The following WDR47 variants were observed in gnomAD, a reference collection of about 807,000 sequenced individuals.
WDR47 encodes WD repeat domain 47.
A neutral mutation model predicts 97.2 loss-of-function variants in WDR47; 32 were observed. The ratio of observed to expected loss-of-function variants is 0.33; its 90% CI spans 0.25 to 0.44. The LOEUF is 0.44. WDR47 is among the 20% of genes least tolerant of loss of function. WDR47 has a pLI of 1.00. For synonymous variants in WDR47, 375 were observed against 373.5 expected (o/e 1.00, Z -0.05); for missense variants, 782 against 1,102.3 (o/e 0.71, Z 4.11).
chr1:109,032,059 T>C (rs2102036173), intron 1 of WDR47, among the ~76,000 whole-genome samples: 1 of 138,636 alleles, frequency 7.2e-6, no homozygotes, highest in Middle Eastern at 3.6e-3. Context: ...CTCAGCCTCC[T>C]AAAGTGCTGA....
At chr1:109,003,393 T>G (rs929927596) in intron 6 of WDR47, among the ~76,000 whole-genome samples, 6 of 152,164 alleles carry the variant, frequency 3.9e-5, no homozygotes, top group African/African-American at 1.4e-4. Flanking sequence ...TAATTTTAAT[T>G]TTTTTCTTGC....
At chr1:109,010,578 ATTTTTTT>A (rs199821610) in intron 5 of WDR47, among the ~76,000 whole-genome samples, 1 of 101,712 alleles carries the variant, frequency 9.8e-6, no homozygotes, top group South Asian at 3.5e-4. Context: ...AGATTTCCTA[ATTTTTTT>A]TTTTTTTTTT....
chr1:109,035,314 T>G (rs936494764), intron 1 of WDR47, among the ~76,000 whole-genome samples: 1 of 149,492 alleles, frequency 6.7e-6, no homozygotes, highest in African/African-American at 2.5e-5. Context: ...CTGTTCAGTG[T>G]GATTATCTCT....
At chr1:109,026,401 T>C (rs1450995001) in intron 1 of WDR47, among the ~76,000 whole-genome samples, 3 of 151,810 alleles carry the variant, frequency 2.0e-5, no homozygotes, top group Non-Finnish European at 4.4e-5. Context: ...ATTCTGATCA[T>C]ATCAGAACTG....
chr1:109,028,371 T>TTG (rs1177927767), intron 1 of WDR47, among the ~76,000 whole-genome samples: 3 of 135,394 alleles, frequency 2.2e-5, no homozygotes, highest in Non-Finnish European at 4.7e-5. Flanking sequence ...GGTTTTTTTT[T>TTG]TTTTTTTTTT....
chr1:109,027,548 G>C (rs1662295419), intron 1 of WDR47, among the ~76,000 whole-genome samples: 1 of 151,562 alleles, frequency 6.6e-6, no homozygotes, highest in South Asian at 2.1e-4. Flanking sequence ...CCCCCAGATG[G>C]AGTCTTGCTC....
chr1:108,973,763 A>C (rs910826481), intron 14 of WDR47, among the ~76,000 whole-genome samples: 14 of 152,090 alleles, frequency 9.2e-5, no homozygotes, highest in African/African-American at 3.4e-4. Context: ...GCACAGATGT[A>C]GTTCCAGCTA....
chr1:108,990,720 C>T (rs953270843), intron 9 of WDR47, among the ~76,000 whole-genome samples: 1 of 151,812 alleles, frequency 6.6e-6, no homozygotes, highest in Non-Finnish European at 1.5e-5. Flanking sequence ...AAGCTGTATA[C>T]TAGCTAGGAA....
At chr1:109,014,012 G>T in intron 3 of WDR47, 87 bp from the exon 4 acceptor site, 1 of 945,370 alleles carries the variant, frequency 1.1e-6, no homozygotes, top group Non-Finnish European at 1.6e-6. Context: ...TTTGCTTTAG[G>T]AAAATTATTC....
At chr1:108,982,442 G>A (rs1658413141) in intron 12 of WDR47, among the ~76,000 whole-genome samples, 167 bp downstream of exon 12, 1 of 152,094 alleles carries the variant, frequency 6.6e-6, no homozygotes, top group African/African-American at 2.4e-5. Context: ...CTGGGTGGGA[G>A]GATCACTTGA....
chr1:109,009,688 T>G (rs1161398283), intron 5 of WDR47, among the ~76,000 whole-genome samples: 1 of 152,160 alleles, frequency 6.6e-6, no homozygotes, highest in Non-Finnish European at 1.5e-5. Flanking sequence ...ATGTAATATA[T>G]TCCCAGTTTT....
At chr1:109,013,322 C>T (rs1411295464) in intron 4 of WDR47, among the ~76,000 whole-genome samples, 1 of 152,188 alleles carries the variant, frequency 6.6e-6, no homozygotes, top group African/African-American at 2.4e-5. Context: ...CTTCAGTTAA[C>T]AATTACCAGA....
Position 108,995,598 on chromosome 1 carries a change from G to A in WDR47, c.1673C>T (p.Ser558Leu). Residue 558 changes from serine (S) to leucine (L), a missense_variant, in exon 8 of 15, where the codon TCA (serine) becomes TTA (leucine). Ser to Leu is a moderately radical substitution (Grantham distance 145). This residue lies in a region of WDR47 where 126 missense variants were observed against 121.3 expected (regional missense o/e 1.04). Transcript: ENST00000369962. ...CACTTACATTTGGCTTCCACAAGGT[G>A]ATTCCTCCAGAAAAGGTATGTGATT... ...STNHIPFLEE[S>L]PCGSQISSEH... is the part of the protein sequence containing the mutation. 2 of 1,614,092 alleles carry A rather than the reference G, an allele frequency of 1.2e-6. No homozygotes were observed. The highest frequency in any genetic ancestry group is 2.2e-5 in the East Asian group (1 of 44,868).
intron 7 of WDR47, among the ~76,000 whole-genome samples, chr1:109,001,869 C>T (rs1028225045): frequency 2.7e-5 from 4 of 150,918 alleles, no homozygotes; most frequent in Admixed American, 6.6e-5. Flanking sequence ...CCAGACTGGG[C>T]GACAGAGTGA....
At chr1:109,003,661 G>A (rs1459581903) in intron 6 of WDR47, among the ~76,000 whole-genome samples, 1 of 151,952 alleles carries the variant, frequency 6.6e-6, no homozygotes, top group Non-Finnish European at 1.5e-5. Context: ...GTGACACCAC[G>A]CCTGGCTGAT....
At chr1:108,975,204 T>C (rs1008929916) in intron 13 of WDR47, among the ~76,000 whole-genome samples, 8 of 152,056 alleles carry the variant, frequency 5.3e-5, no homozygotes, top group African/African-American at 1.9e-4. Context: ...TTACTGCCAA[T>C]AGGAACTGTG....
Position 108,974,752 on chromosome 1 carries a change from T to C in WDR47, c.2401A>G (p.Ser801Gly), listed in dbSNP as rs142485597. ...TCTACAGCTACAGATGCCACTGCAC[T>C]GCCTGTAGTGGTAGGAATGAAAGTT... is the stretch of plus-strand genomic sequence containing the variant. ...VVGTTFHGTG[S>G]AVASVAVDPS... The change falls in exon 14 of 15, where the codon AGT becomes GGT. Residue 801 changes from serine to glycine, a missense_variant and splice_region_variant. Physicochemically the swap from Ser to Gly is moderately conservative, Grantham distance 56 (BLOSUM62 0). Transcript: ENST00000369962. 360 of 1,605,398 alleles carry C rather than the reference T, an allele frequency of 2.2e-4. No individual in the cohort carries two copies. Among genetic ancestry groups the C allele is most frequent in the Non-Finnish European group, 3.0e-4 (348 of 1,175,132 alleles).
chr1:109,007,938 C>T lies in WDR47; in HGVS notation c.1130+2978G>A, dbSNP rs983147159. Among the ~76,000 whole-genome samples, 17 of 152,038 alleles carry T rather than the reference C, an allele frequency of 1.1e-4. No individual in the cohort carries two copies. The East Asian group carries it at 2.1e-3, about 19-fold the overall frequency. On this transcript the variant is annotated intron_variant, in intron 5 of 14. Transcript: ENST00000369962. ...CCAAGATGGTGAAACCCCGGCTCTA[C>T]TAAAAATACAAAAATTAGCCAGGCA...
chr1:108,998,684 G>A (rs1050248168), intron 7 of WDR47, among the ~76,000 whole-genome samples: 9 of 152,112 alleles, frequency 5.9e-5, no homozygotes, highest in Admixed American at 5.9e-4. Flanking sequence ...TTCCTATCAT[G>A]CTATAATTTT....
Sources: gnomAD v4.1 joint callset for allele counts (sites outside exome capture counted in the v4.1 genomes callset) on GRCh38, gnomAD v4.1.1 for gene constraint, gnomAD v4.1.1 regional missense constraint, MANE v1.5 for transcripts, NCBI Gene and HGNC (gene_info 2026-07-23, HGNC 2026-07-21) for gene names.